Variants in DNAH7 observed in about 807,000 individuals in gnomAD.
DNAH7 encodes axonemal beta dynein heavy chain 7.
A neutral mutation model predicts 444.6 loss-of-function variants in DNAH7; 397 were observed. That is an observed-to-expected ratio of 0.89 (90% CI 0.82 to 0.97). The LOEUF (loss-of-function observed/expected upper bound fraction) is 0.97. Among genes scored for constraint, DNAH7 ranks in the 50% least tolerant of loss-of-function variants. DNAH7 has a pLI of 0.00. For synonymous variants in DNAH7, 1,636 were observed against 1,624.4 expected, an observed-to-expected ratio of 1.01 and a Z score of -0.17; for missense variants, 4,902 against 4,800.8, an observed-to-expected ratio of 1.02 and a Z score of -0.62.
At chr2:196,007,079 A>T (rs574545010) in intron 10 of DNAH7, among the ~76,000 whole-genome samples, 1 of 152,298 alleles carries the variant, frequency 6.6e-6, no homozygotes, top group South Asian at 2.1e-4. Context: ...TTTTTAAAAA[A>T]TGGACAAGTT....
At chr2:195,882,471 GA>G (rs1166453532) in intron 35 of DNAH7, among the ~76,000 whole-genome samples, 4 of 151,948 alleles carry the variant, frequency 2.6e-5, no homozygotes, top group African/African-American at 4.8e-5. Flanking sequence ...AAAATGTATA[GA>G]AAAAAATATA....
chr2:195,976,100 T>C (rs1416205589), intron 15 of DNAH7, among the ~76,000 whole-genome samples: 1 of 152,162 alleles, frequency 6.6e-6, no homozygotes, highest in Non-Finnish European at 1.5e-5. Context: ...TCGGCCACAG[T>C]GTGGCAGAGT....
In DNAH7 at chr2:195,824,014, T is replaced by C. The variant is rs114052385; in HGVS notation, c.9291+241A>G. Among the ~76,000 whole-genome samples the C allele has an allele frequency of 4.6e-3, 707 of 152,314 alleles. 3 individuals carry two copies. The highest frequency in any genetic ancestry group is 0.016 in the African/African-American group (665 of 41,574). The stretch of plus-strand genomic sequence containing the variant: ...TTTAACAATGAAAATCTAAGAATCA[T>C]ATCAATTGTAGAAATTTGATTCTGA... On this transcript the variant is annotated intron_variant, in intron 49 of 64. Transcript: ENST00000312428.
rs936392050 is a variant in DNAH7, at chr2:196,064,355, TAATA to T, written c.15+4338_15+4341del. Among the ~76,000 whole-genome samples, 516 of 148,078 alleles carry T rather than the reference TAATA, an allele frequency of 3.5e-3. 4 individuals are homozygous for T. The highest frequency in any genetic ancestry group is 4.5e-3 in the Non-Finnish European group (305 of 67,130). On this transcript the variant is annotated intron_variant, in intron 1 of 64. Transcript: ENST00000312428. ...AATAAATAAATAAATAAATAATAAA[TAATA>T]AATAAATAATAAAAAGAAAAACAAA...
At chr2:195,906,822 C>T in intron 26 of DNAH7, 36 bp from the exon 27 acceptor site, 2 of 1,611,502 alleles carry the variant, frequency 1.2e-6, no homozygotes, top group Non-Finnish European at 1.7e-6. Flanking sequence ...CTTAGTAATA[C>T]CACATATAAA....
chr2:196,029,783 C>G (rs1266125499), intron 5 of DNAH7, among the ~76,000 whole-genome samples: 2 of 152,078 alleles, frequency 1.3e-5, no homozygotes, highest in Admixed American at 1.3e-4. Context: ...ATAAAACGAT[C>G]AATAGAGGAG....
At chr2:195,785,918 C>T (rs1695595690) in intron 58 of DNAH7, among the ~76,000 whole-genome samples, 1 of 152,008 alleles carries the variant, frequency 6.6e-6, no homozygotes, top group Admixed American at 6.5e-5. Flanking sequence ...TGCATTTTTG[C>T]TCCCTTATTA....
chr2:195,925,796 C>G (rs528044723), intron 22 of DNAH7, among the ~76,000 whole-genome samples: 1 of 152,052 alleles, frequency 6.6e-6, no homozygotes, highest in Non-Finnish European at 1.5e-5. Flanking sequence ...CCAGTTGACC[C>G]CTCAGTCAAC....
In DNAH7 at chr2:195,845,069, T is replaced by C; in HGVS notation, c.8878A>G (p.Ile2960Val). The change falls in exon 47 of 65, where the codon ATT (isoleucine) becomes GTT (valine). Residue 2960 changes from isoleucine to valine, a missense_variant. Physicochemically the swap from Ile to Val is conservative, Grantham distance 29. Coordinates refer to ENST00000312428, the MANE Select transcript of DNAH7 (RefSeq NM_018897.3). ...LMGTLGEAVT[I>V]RTWNIAGLPS... ...AATCCAGCAATATTCCAAGTTCGAA[T>C]TGTCACAGCTTCTCCCAGGGTACCC... 6.2e-7 allele frequency: 1 copy of C among 1,613,908 alleles called. No individual in the cohort carries two copies. The highest frequency in any genetic ancestry group is 8.5e-7 in the Non-Finnish European group (1 of 1,179,886).
chr2:195,936,686 T>G lies in DNAH7; in HGVS notation c.3185A>C (p.Glu1062Ala). 6.2e-7 allele frequency: 1 copy of G among 1,605,106 alleles called. No individual in the cohort carries two copies. The highest frequency in any genetic ancestry group is 2.2e-5 in the East Asian group (1 of 44,488). ...TCTGGGGAAAAAGAGGCGTTTCTTT[T>G]CCAAATATTCATTAAGTCCTTTAAG... ...LILKGLNEYL[E>A]KKRLFFPRFF... is the part of the protein sequence containing the mutation. Residue 1062 changes from glutamate (E) to alanine (A), a missense_variant, in exon 20 of 65, where the codon GAA becomes GCA. By Grantham distance (107) the Glu-to-Ala change is moderately radical. Coordinates refer to ENST00000312428, the MANE Select transcript of DNAH7 (RefSeq NM_018897.3).
At chr2:195,852,638 T>C (rs1222604655) in intron 46 of DNAH7, among the ~76,000 whole-genome samples, 2 of 152,000 alleles carry the variant, frequency 1.3e-5, no homozygotes, top group African/African-American at 2.4e-5. Context: ...AACTAAAAAG[T>C]GGAAGAGAAA....
At chr2:196,001,245 C>T (rs923886279) in intron 11 of DNAH7, among the ~76,000 whole-genome samples, 14 of 152,194 alleles carry the variant, frequency 9.2e-5, no homozygotes, top group African/African-American at 2.7e-4. Flanking sequence ...TTCTTCTTTG[C>T]TAAAGTTACC....
At chr2:195,824,119 G>C in intron 49 of DNAH7, 136 bp downstream of exon 49, 1 of 692,990 alleles carries the variant, frequency 1.4e-6, no homozygotes, top group Non-Finnish European at 2.2e-6. Context: ...AATTATTATA[G>C]CAATAATTTT....
At chr2:196,052,135 C>G (rs570916209) in intron 2 of DNAH7, among the ~76,000 whole-genome samples, 3 of 152,342 alleles carry the variant, frequency 2.0e-5, no homozygotes, top group South Asian at 4.1e-4. Context: ...GTGGTTTTCA[C>G]CTCCCAGCCC....
chr2:195,951,909 T>TG (rs1356040995), intron 19 of DNAH7, among the ~76,000 whole-genome samples: 1 of 152,204 alleles, frequency 6.6e-6, no homozygotes, highest in African/African-American at 2.4e-5. Context: ...GTCTTTTAAT[T>TG]GGGGCATTTA....
At chr2:195,959,542 T>G (rs781211908) in intron 18 of DNAH7, among the ~76,000 whole-genome samples, 1 of 152,162 alleles carries the variant, frequency 6.6e-6, no homozygotes, top group Non-Finnish European at 1.5e-5. Flanking sequence ...CATGCCCAAG[T>G]GTACGATAAC....
chr2:195,867,023 G>C (rs908619465), intron 40 of DNAH7, among the ~76,000 whole-genome samples: 1 of 152,154 alleles, frequency 6.6e-6, no homozygotes, highest in South Asian at 2.1e-4. Context: ...GGCATCACTA[G>C]ACATGTGGAA....
At chr2:195,996,800 T>C (rs2125672304) in intron 12 of DNAH7, among the ~76,000 whole-genome samples, 1 of 152,366 alleles carries the variant, frequency 6.6e-6, no homozygotes, top group East Asian at 1.9e-4. Context: ...AACAAAATCA[T>C]GTCTGCAGTG....
chr2:196,028,641 A>G (rs964609665), intron 5 of DNAH7, among the ~76,000 whole-genome samples: 4 of 152,218 alleles, frequency 2.6e-5, no homozygotes, highest in Admixed American at 1.3e-4. Context: ...ACATTTTGTG[A>G]CATGTTCTGG....
Sources: allele counts gnomAD v4.1 joint callset (sites outside exome capture counted in the v4.1 genomes callset), GRCh38; gene constraint gnomAD v4.1.1; transcripts MANE v1.5; gene names NCBI Gene and HGNC (gene_info 2026-07-23, HGNC 2026-07-21).